Variants in MAPK10 observed in about 807,000 individuals in gnomAD.
MAPK10 encodes JNK3 alpha protein kinase.
A neutral mutation model predicts 59.3 loss-of-function variants in MAPK10; 25 were observed. The ratio of observed to expected loss-of-function variants is 0.42; its 90% confidence interval spans 0.31 to 0.59. MAPK10 has a LOEUF of 0.59. MAPK10 is among the 20% of genes least tolerant of loss of function. The pLI, the probability that MAPK10 is intolerant of heterozygous loss-of-function variation, is 0.15. For missense variants in MAPK10, 351 were observed against 568.9 expected (o/e 0.62, Z 3.90); for synonymous variants, 190 against 200.5 (o/e 0.95, Z 0.44).
intron 1 of MAPK10, among the ~76,000 whole-genome samples, chr4:86,379,436 T>C (rs1271602950): frequency 1.3e-5 from 2 of 152,218 alleles, no homozygotes; most frequent in South Asian, 2.1e-4. Context: ...CCCCAAAATC[T>C]CGCCATAAAC....
chr4:86,157,860 C>T (rs1193267247), intron 4 of MAPK10, among the ~76,000 whole-genome samples: 1 of 151,986 alleles, frequency 6.6e-6, no homozygotes, highest in African/African-American at 2.4e-5. Flanking sequence ...TTTTCTTTCA[C>T]TGACAGTACT....
intron 2 of MAPK10, among the ~76,000 whole-genome samples, chr4:86,197,481 A>C (rs2081601542): frequency 6.6e-6 from 1 of 152,070 alleles, no homozygotes; most frequent in South Asian, 2.1e-4. Context: ...GGGTTTTCTA[A>C]ATGTAGAATC....
chr4:86,017,193 C>T lies in MAPK10; in HGVS notation c.*35G>A, dbSNP rs1743659580. On this transcript the variant is annotated 3_prime_UTR_variant, in exon 14 of 14. Coordinates refer to ENST00000641462, the MANE Select transcript of MAPK10 (RefSeq NM_138982.4). The surrounding 1 kb of genome is among the most constrained non-coding windows in gnomAD (Gnocchi z 4.4). ...TGTGTGTGTTCCATCACATCATCTC[C>T]TGAAGAACGCTGGGTTTCGCAGGCA... 1 of 1,607,796 alleles carries T rather than the reference C, an allele frequency of 6.2e-7. No individual in the cohort carries two copies. Among genetic ancestry groups the T allele is most frequent in the Non-Finnish European group, 8.5e-7 (1 of 1,177,352 alleles).
intron 3 of MAPK10, among the ~76,000 whole-genome samples, chr4:86,160,968 G>A (rs2069413545): frequency 8.0e-6 from 1 of 125,080 alleles, no homozygotes; most frequent in African/African-American, 2.6e-5. Flanking sequence ...AGCAGCATCA[G>A]TGATGTAAAT....
rs184438172 is a variant in MAPK10 at position 86,211,477 on chromosome 4, A to C, written c.-6-17070T>G. The stretch of plus-strand genomic sequence containing the variant: ...AGTGTCAACCAAGAATCTAATGTTT[A>C]ACAAAACTGTTTTTCAAAAGTAGGA... On this transcript the variant is annotated intron_variant, in intron 2 of 13. Transcript: ENST00000641462. 3.5e-3 allele frequency among the ~76,000 whole-genome samples: 540 copies of C among 152,234 alleles called. 8 individuals are homozygous for C. Among genetic ancestry groups the C allele is most frequent in the Admixed American group, 0.022 (341 of 15,284 alleles).
chr4:86,360,460 G>A (rs1392878663), upstream of MAPK10, among the ~76,000 whole-genome samples: 1 of 152,170 alleles, frequency 6.6e-6, no homozygotes, highest in Non-Finnish European at 1.5e-5. Context: ...GTAAGAGATG[G>A]TAATAACCTC....
At chr4:86,376,009 CT>C (rs1336437863) in intron 1 of MAPK10, among the ~76,000 whole-genome samples, 8 of 152,106 alleles carry the variant, frequency 5.3e-5, no homozygotes, top group African/African-American at 1.9e-4. Flanking sequence ...TTTACCTATT[CT>C]GGGTATTATC....
At chr4:86,160,990 AATGGAGC>A (rs67275506) in intron 3 of MAPK10, among the ~76,000 whole-genome samples, 101,583 of 151,066 alleles carry the variant, frequency 0.67, 37,184 homozygotes, top group East Asian at 0.92. Context: ...AGGAGAATAC[AATGGAGC>A]CCATGTGAAC....
chr4:86,090,575 T>C (rs1039938884), intron 9 of MAPK10: 1 of 152,158 alleles, frequency 6.6e-6, no homozygotes, highest in East Asian at 1.9e-4. Flanking sequence ...CATCCCTTTA[T>C]TATTAACGTG....
In MAPK10 at chr4:86,220,354, A is replaced by C. The variant is rs114397175; in HGVS notation, c.-6-25947T>G. On this transcript the variant is annotated intron_variant, in intron 2 of 13. Coordinates refer to ENST00000641462, the MANE Select transcript of MAPK10 (RefSeq NM_138982.4). ...AGAGTAAAAACAAAACAAAACAAAA[A>C]AAAAATGAGGTTGACAATATACTAA... Among the ~76,000 whole-genome samples, 1,377 of 152,266 alleles carry C rather than the reference A, an allele frequency of 9.0e-3. 15 individuals carry two copies. The highest frequency in any genetic ancestry group is 0.015 in the Non-Finnish European group (1,007 of 67,986).
chr4:86,176,209 T>C (rs972805366), intron 3 of MAPK10: 4 of 152,182 alleles, frequency 2.6e-5, no homozygotes, highest in Non-Finnish European at 4.4e-5. Context: ...TAAAATAGTG[T>C]ACTTAAGGAG....
chr4:86,300,788 A>G (rs1354203275), intron 2 of MAPK10: 3 of 151,934 alleles, frequency 2.0e-5, no homozygotes, highest in Non-Finnish European at 4.4e-5. Context: ...CTATGTACCG[A>G]TAAGTTCAGA....
chr4:86,547,116 C>T (rs1156301714), intron 1 of MAPK10, among the ~76,000 whole-genome samples: 1 of 152,210 alleles, frequency 6.6e-6, no homozygotes, highest in Non-Finnish European at 1.5e-5. Context: ...ACTAGTTATC[C>T]TCTGCTTTTC....
At chr4:86,288,157 T>C (rs962016262) in intron 2 of MAPK10, among the ~76,000 whole-genome samples, 7 of 152,052 alleles carry the variant, frequency 4.6e-5, no homozygotes, top group South Asian at 2.1e-4. Flanking sequence ...TGATCACTAA[T>C]GTTTTTTGTT....
At chr4:86,451,672 C>T (rs772669419) in intron 1 of MAPK10, among the ~76,000 whole-genome samples, 5 of 152,070 alleles carry the variant, frequency 3.3e-5, no homozygotes, top group African/African-American at 4.8e-5. Context: ...CACAGGAGCC[C>T]CAGTGTAAAA....
intron 1 of MAPK10, among the ~76,000 whole-genome samples, chr4:86,501,680 G>GCACACACA (rs144986675): frequency 4.5e-4 from 66 of 147,016 alleles, no homozygotes; most frequent in African/African-American, 1.6e-3. Context: ...GTGTGTGCAT[G>GCACACACA]CACACACACA....
intron 1 of MAPK10, among the ~76,000 whole-genome samples, chr4:86,367,302 T>C (rs1578929369): frequency 6.6e-6 from 1 of 152,174 alleles, no homozygotes; most frequent in African/African-American, 2.4e-5. Flanking sequence ...TTGAGTACCA[T>C]GTTCACTATG....
At chr4:86,457,585 C>T (rs779184229), upstream of MAPK10, among the ~76,000 whole-genome samples, 7 of 151,914 alleles carry the variant, frequency 4.6e-5, no homozygotes, top group African/African-American at 7.3e-5. Flanking sequence ...AAAATAATTA[C>T]GAATATACCT....
At chr4:86,536,017 G>C (rs1758218812) in intron 1 of MAPK10, among the ~76,000 whole-genome samples, 1 of 152,110 alleles carries the variant, frequency 6.6e-6, no homozygotes, top group South Asian at 2.1e-4. Flanking sequence ...AATGCAATAA[G>C]GAAGAAATAT....
Sources: gnomAD v4.1 joint callset for allele counts (sites outside exome capture counted in the v4.1 genomes callset) on GRCh38, gnomAD v4.1.1 for gene constraint, Gnocchi (gnomAD v3.1) non-coding constraint, MANE v1.5 for transcripts, NCBI Gene and HGNC (gene_info 2026-07-23, HGNC 2026-07-21) for gene names.